The following RPS6KL1 variants were observed in gnomAD, a reference collection of about 807,000 sequenced individuals.
RPS6KL1 encodes ribosomal protein S6 kinase like 1, also known as ribosomal protein S6 kinase-like 1.
RPS6KL1 carries 41 observed loss-of-function variants against 57.0 expected under a neutral mutation model. The ratio of observed to expected loss-of-function variants is 0.72; its 90% CI spans 0.56 to 0.93. RPS6KL1 has a LOEUF of 0.93. Ranked by LOEUF, RPS6KL1 falls within the 40% of genes least tolerant of loss-of-function variation. RPS6KL1 has a pLI of 0.00. For synonymous variants in RPS6KL1, 287 were observed against 309.7 expected (o/e 0.93, Z 0.77); for missense variants, 697 against 727.7 (o/e 0.96, Z 0.49).
In RPS6KL1 at chr14:74,920,633, T is replaced by A. The variant is rs777255129; in HGVS notation, c.265+644A>T. 2.6e-5 allele frequency among the ~76,000 whole-genome samples: 4 copies of A among 152,268 alleles called. No homozygotes were observed. The East Asian group carries it at 7.7e-4, about 29-fold the overall frequency. On this transcript the variant is annotated intron_variant, in intron 3 of 11. Coordinates refer to ENST00000557413, the MANE Select transcript of RPS6KL1 (RefSeq NM_031464.5). ...AACTCTAGCCAGTTCTTCAGCTGGA[T>A]AACGCACCTACCATTCTCCAGTGCT...
intron 4 of RPS6KL1, among the ~76,000 whole-genome samples, chr14:74,919,385 G>C (rs917807334): frequency 1.3e-5 from 2 of 152,252 alleles, no homozygotes; most frequent in Admixed American, 6.5e-5. Flanking sequence ...TACTGGTTTA[G>C]AGAAAGCCAT....
chr14:74,913,532 G>C (rs1886363955), intron 5 of RPS6KL1, among the ~76,000 whole-genome samples: 1 of 151,992 alleles, frequency 6.6e-6, no homozygotes. Flanking sequence ...CTCTAGTCTG[G>C]GCAACAGAGA....
chr14:74,908,792 G>T, intron 10 of RPS6KL1, 58 bp downstream of exon 10: 2 of 1,463,324 alleles, frequency 1.4e-6, no homozygotes, highest in Non-Finnish European at 1.9e-6. Flanking sequence ...GACTAAGCCT[G>T]GCCCATCCCA....
At position 74,908,936 on chromosome 14, in the gene RPS6KL1, T is replaced by A; in HGVS notation, c.1361-4A>T. ...AGCTCGGAAATCCCACCCACCTCTG[T>A]GGGAACAAGAACACAGGTGTCCCAG... On this transcript the variant is annotated splice_polypyrimidine_tract_variant and splice_region_variant and intron_variant, in intron 9 of 11. Transcript: ENST00000557413. 1 of 1,612,828 alleles carries A rather than the reference T, an allele frequency of 6.2e-7. No individual in the cohort carries two copies. Among genetic ancestry groups the A allele is most frequent in the Non-Finnish European group, 8.5e-7 (1 of 1,179,268 alleles).
At position 74,908,875 on chromosome 14, in the gene RPS6KL1, A is replaced by AGAGACCCAAAGCTCCACCAGTC. The variant is rs1192262761; in HGVS notation, c.1396_1417dup (p.Leu473ArgfsTer11). The AGAGACCCAAAGCTCCACCAGTC allele has an allele frequency of 6.2e-7, 1 of 1,614,136 alleles. No individual in the cohort carries two copies. The highest frequency in any genetic ancestry group is 1.7e-5 in the Admixed American group (1 of 60,024). On this transcript the variant is annotated frameshift_variant, in exon 10 of 12. Transcript: ENST00000557413. LOFTEE classifies it high-confidence loss of function. ...CATTCCCGTCAGCAGTTCATACAGTAGAGACCCAAAGCTCCACCAGTCACA... is the reference window on the plus strand; with the variant it reads ...CATTCCCGTCAGCAGTTCATACAGTAGAGACCCAAAGCTCCACCAGTCGAGACCCAAAGCTCCACCAGTCACA...
Position 74,904,075 on chromosome 14 carries a change from A to G in RPS6KL1, c.*2939T>C, listed in dbSNP as rs1393441262. On this transcript the variant is annotated 3_prime_UTR_variant, in exon 12 of 12. Transcript: ENST00000557413. ...GTCTGGCTACAACTTAGTTTTATAC[A>G]TTTAATACATTTTAGGGAGACATAA... 1 of 152,254 alleles carries G rather than the reference A, an allele frequency of 6.6e-6. No individual in the cohort carries two copies. Among genetic ancestry groups the G allele is most frequent in the Non-Finnish European group, 1.5e-5 (1 of 68,048 alleles). 9.4% of individuals were successfully genotyped at this position (152,254 alleles called of 1,614,324 possible). A position where few individuals can be genotyped will look rare whatever the true frequency, so the allele number is the denominator to read the frequency against.
At position 74,905,331 on chromosome 14, in the gene RPS6KL1, C is replaced by G. The variant is rs919382247; in HGVS notation, c.*1683G>C. 2.6e-5 allele frequency: 4 copies of G among 152,038 alleles called. No individual in the cohort carries two copies. The highest frequency in any genetic ancestry group is 4.4e-5 in the Non-Finnish European group (3 of 68,038). 9.4% of individuals were successfully genotyped at this position (152,038 alleles called of 1,614,324 possible). ...ACTCTGGCTAGGTTGTGTCCTTAAC[C>G]TTTTTGAGCTTCAGTTTTCTCAGGA... On this transcript the variant is annotated 3_prime_UTR_variant, in exon 12 of 12. Transcript: ENST00000557413.
intron 10 of RPS6KL1, 87 bp from the exon 11 acceptor site, chr14:74,907,617 TCA>T: frequency 8.0e-7 from 1 of 1,244,660 alleles, no homozygotes; most frequent in Non-Finnish European, 1.1e-6. Context: ...TTTCCCCATG[TCA>T]CAGCCCATGA....
At position 74,919,959 on chromosome 14, in the gene RPS6KL1, G is replaced by A. The variant is rs1237560655; in HGVS notation, c.276C>T (p.Asn92=). 2 of 1,614,004 alleles carry A rather than the reference G, an allele frequency of 1.2e-6. No homozygotes were observed. Among genetic ancestry groups the A allele is most frequent in the African/African-American group, 1.3e-5 (1 of 74,918 alleles). ...VLLRGIHVDP[N]KERREAVKLK... ...GCTTCACAGCCTCACGTCGCTCCTT[G>A]TTGGGGTCAACTGTGGGAGACAAGA... is the stretch of plus-strand genomic sequence containing the variant. Residue 92 remains asparagine, a synonymous_variant, in exon 4 of 12, where the codon AAC becomes AAT. Coordinates refer to ENST00000557413, the MANE Select transcript of RPS6KL1 (RefSeq NM_031464.5).
At position 74,906,409 on chromosome 14, in the gene RPS6KL1, TGGG is replaced by T. The variant is rs537079155; in HGVS notation, c.*602_*604del. 9 of 161,648 alleles carry T rather than the reference TGGG, an allele frequency of 5.6e-5. No individual in the cohort carries two copies. The highest frequency in any genetic ancestry group is 2.9e-4 in the East Asian group (2 of 6,970). The allele number at this position is 161,648 out of a possible 1,614,324, so 10.0% of individuals were successfully genotyped here. ...AGGGGGCATGGTCAGGAATCGGGGG[TGGG>T]GGGGTGGGGGTGGGGGTCATCCTGT... is the stretch of plus-strand genomic sequence containing the variant. On this transcript the variant is annotated 3_prime_UTR_variant, in exon 12 of 12. Coordinates refer to ENST00000557413, the MANE Select transcript of RPS6KL1 (RefSeq NM_031464.5).
At chr14:74,918,942 G>A (rs1405688900) in intron 4 of RPS6KL1, among the ~76,000 whole-genome samples, 6 of 152,218 alleles carry the variant, frequency 3.9e-5, no homozygotes, top group African/African-American at 1.4e-4. Flanking sequence ...TTGGGAGGCC[G>A]AGGCGGGCAG....
Position 74,904,382 on chromosome 14 carries a change from CAGT to C in RPS6KL1, c.*2629_*2631del, listed in dbSNP as rs1157233624. ...ATCAGACTTAAGGAGCCTGTTTTAA[CAGT>C]AATTCCAAAAGGGAGGGGAGTATAA... On this transcript the variant is annotated 3_prime_UTR_variant, in exon 12 of 12. Coordinates refer to ENST00000557413, the MANE Select transcript of RPS6KL1 (RefSeq NM_031464.5). 2 of 152,128 alleles carry C rather than the reference CAGT, an allele frequency of 1.3e-5. No homozygotes were observed. The highest frequency in any genetic ancestry group is 1.3e-4 in the Admixed American group (2 of 15,266). The allele number at this position is 152,128 out of a possible 1,614,324, so 9.4% of individuals were successfully genotyped here. A position where few individuals can be genotyped will look rare whatever the true frequency, so the allele number is the denominator to read the frequency against.
intron 4 of RPS6KL1, among the ~76,000 whole-genome samples, chr14:74,919,281 C>T (rs1381266660): frequency 6.6e-6 from 1 of 152,188 alleles, no homozygotes; most frequent in African/African-American, 2.4e-5. Flanking sequence ...GGAAAGGCAG[C>T]CGTACAGGAT....
At chr14:74,909,474 TG>T in intron 8 of RPS6KL1, 68 bp downstream of exon 8, 1 of 1,515,538 alleles carries the variant, frequency 6.6e-7, no homozygotes, top group Non-Finnish European at 8.8e-7. Flanking sequence ...CCCTCGACTT[TG>T]GGGATCTCTC....
intron 4 of RPS6KL1, among the ~76,000 whole-genome samples, chr14:74,919,197 G>A (rs868406177): frequency 5.9e-5 from 9 of 152,330 alleles, no homozygotes; most frequent in Middle Eastern, 3.4e-3. Context: ...TGCTCCCAAG[G>A]TGGGGATAGG....
At chr14:74,921,637 A>T in intron 2 of RPS6KL1, 76 bp from the exon 3 acceptor site, 1 of 1,496,100 alleles carries the variant, frequency 6.7e-7, no homozygotes, top group Non-Finnish European at 8.9e-7. Flanking sequence ...TCCTCCACTG[A>T]ATGTCAGGGA....
At chr14:74,921,238 T>TACCCCCCCCCC in intron 3 of RPS6KL1, 39 bp downstream of exon 3, 2 of 840,160 alleles carry the variant, frequency 2.4e-6, no homozygotes, top group Non-Finnish European at 4.1e-6. Context: ...CACTGGCCCT[T>TACCCCCCCCCC]CCCCACCCAC....
intron 7 of RPS6KL1, chr14:74,910,367 T>TTTTTAATG: frequency 2.3e-6 from 1 of 431,156 alleles, no homozygotes; most frequent in South Asian, 7.3e-5. Context: ...GGCCCAGCCT[T>TTTTTAATG]ACAAACTGGC....
intron 4 of RPS6KL1, among the ~76,000 whole-genome samples, chr14:74,919,123 C>T (rs1256849596): frequency 1.3e-5 from 2 of 152,206 alleles, no homozygotes; most frequent in Non-Finnish European, 2.9e-5. Flanking sequence ...TGCAGTGAGC[C>T]AAGATCACGC....
Sources: allele counts gnomAD v4.1 joint callset (sites outside exome capture counted in the v4.1 genomes callset), GRCh38; gene constraint gnomAD v4.1.1; transcripts MANE v1.5; gene names NCBI Gene and HGNC (gene_info 2026-07-23, HGNC 2026-07-21).